SPAG9: variants seen among roughly 807,000 people sequenced by gnomAD.
The protein encoded by SPAG9 is sperm associated antigen 9, also known as C-Jun-amino-terminal kinase-interacting protein 4.
SPAG9 carries 35 observed loss-of-function variants against 166.5 expected under a neutral mutation model. That is an observed-to-expected ratio of 0.21 (90% CI 0.16 to 0.28). The LOEUF (loss-of-function observed/expected upper bound fraction) is 0.28, where lower values mean the gene tolerates loss of function less well. SPAG9 is among the 10% of genes least tolerant of loss of function. SPAG9 has a pLI of 1.00. For synonymous variants in SPAG9, 534 were observed against 565.5 expected (o/e 0.94, Z 0.79); for missense variants, 1,235 against 1,603.3 (o/e 0.77, Z 3.92).
At chr17:51,072,279 C>T (rs1384473201) in intron 2 of SPAG9, among the ~76,000 whole-genome samples, 1 of 150,346 alleles carries the variant, frequency 6.7e-6, no homozygotes, top group African/African-American at 2.4e-5. Context: ...ACCCTTTTGG[C>T]CAGGCTGGTC....
intron 24 of SPAG9, among the ~76,000 whole-genome samples, chr17:50,983,751 C>T (rs1014185188): frequency 6.6e-6 from 1 of 151,996 alleles, no homozygotes; most frequent in Non-Finnish European, 1.5e-5. Flanking sequence ...GAAAAAGTTA[C>T]CAAAATGCTC....
intron 1 of SPAG9, among the ~76,000 whole-genome samples, chr17:51,083,706 C>T (rs1322948076): frequency 2.0e-5 from 3 of 151,976 alleles, no homozygotes; most frequent in Admixed American, 2.0e-4. Flanking sequence ...CATGTGTGAG[C>T]CACCATGTTT....
Position 50,996,654 on chromosome 17 carries a change from C to G in SPAG9, c.1879G>C (p.Glu627Gln), listed in dbSNP as rs2044695291. ...TGTGCTTTTACCTGACGATACTGCT[C>G]TCTCTTTTGTTCTCTGCGTGAGGCT... is the stretch of plus-strand genomic sequence containing the variant. ...SLASRREQKR[E>Q]QYRQVKAHVQ... Residue 627 changes from glutamate to glutamine, a missense_variant, in exon 16 of 30, where the codon GAG (glutamate) becomes CAG (glutamine). Physicochemically the swap from Glu to Gln is conservative, Grantham distance 29. Transcript: ENST00000262013. The G allele has an allele frequency of 1.2e-6, 2 of 1,614,024 alleles. No homozygotes were observed.
intron 4 of SPAG9, among the ~76,000 whole-genome samples, chr17:51,042,959 C>T (rs956745104): frequency 3.3e-5 from 5 of 152,110 alleles, no homozygotes; most frequent in African/African-American, 9.7e-5. Flanking sequence ...GGGACGATCT[C>T]GGCTCACTGC....
At position 50,996,703 on chromosome 17, in the gene SPAG9, A is replaced by T; in HGVS notation, c.1839-9T>A. 1 of 1,613,556 alleles carries T rather than the reference A, an allele frequency of 6.2e-7. No homozygotes were observed. The highest frequency in any genetic ancestry group is 1.1e-5 in the South Asian group (1 of 90,972). On this transcript the variant is annotated splice_polypyrimidine_tract_variant and intron_variant, in intron 15 of 29. Transcript: ENST00000262013. ...CTAAACTAGCTTCAGTTCTAAAAGG[A>T]AAAAAGATTTTCCTAATTACATGAA...
At chr17:50,986,689 CCTAT>C (rs1975074215) in intron 22 of SPAG9, among the ~76,000 whole-genome samples, 1 of 152,130 alleles carries the variant, frequency 6.6e-6, no homozygotes, top group Non-Finnish European at 1.5e-5. Context: ...ATTTGTTTTA[CCTAT>C]CTTAGTAAAA....
intron 1 of SPAG9, among the ~76,000 whole-genome samples, chr17:51,098,503 T>C (rs72826440): frequency 0.07 from 10,714 of 152,094 alleles, 399 homozygotes; most frequent in Non-Finnish European, 0.089. Flanking sequence ...TATTTATTTA[T>C]TTATTTGAGA....
At chr17:50,981,546 A>AATAG (rs1002050756) in intron 25 of SPAG9, among the ~76,000 whole-genome samples, 1 of 151,918 alleles carries the variant, frequency 6.6e-6, no homozygotes, top group Non-Finnish European at 1.5e-5. Context: ...AGAAAGAAAG[A>AATAG]ATAGATAGAT....
chr17:51,118,526 T>C (rs796109115), intron 1 of SPAG9, among the ~76,000 whole-genome samples: 5 of 152,300 alleles, frequency 3.3e-5, no homozygotes, highest in African/African-American at 1.2e-4. Context: ...AGGTAAAAGG[T>C]CATGTCAGGC....
chr17:51,076,982 T>TTATCTAGCTAGCTAGCTATC (rs2047988405), intron 2 of SPAG9, among the ~76,000 whole-genome samples: 24 of 99,412 alleles, frequency 2.4e-4, no homozygotes, highest in Non-Finnish European at 4.8e-4. Context: ...TCTATCTATC[T>TTATCTAGCTAGCTAGCTATC]TATCTAGCTA....
chr17:50,969,331 C>T (rs547561020), intron 29 of SPAG9, among the ~76,000 whole-genome samples: 5 of 152,246 alleles, frequency 3.3e-5, no homozygotes, highest in South Asian at 4.2e-4. Context: ...CTCCTCTTTC[C>T]GTCCCTCCAG....
chr17:51,022,060 T>C (rs1262629165), intron 6 of SPAG9, among the ~76,000 whole-genome samples: 1 of 148,732 alleles, frequency 6.7e-6, no homozygotes, highest in Non-Finnish European at 1.5e-5. Flanking sequence ...GAGGCGGAGG[T>C]TGCAGTGAGC....
rs561849445 is a variant in SPAG9 at position 50,972,899 on chromosome 17, G to A, written c.3700+1872C>T. ...TTAATCTTTAGGGCCAACTGGCCTC[G>A]CAACAACCATGTTGCTAATTCCACT... On this transcript the variant is annotated intron_variant, in intron 28 of 29. Transcript: ENST00000262013. Among the ~76,000 whole-genome samples the A allele has an allele frequency of 1.2e-4, 18 of 152,306 alleles. No homozygotes were observed. In the South Asian group the frequency reaches 3.5e-3, roughly 30 times the overall value.
chr17:51,106,927 C>T (rs2048967198), intron 1 of SPAG9, among the ~76,000 whole-genome samples: 1 of 151,862 alleles, frequency 6.6e-6, no homozygotes, highest in South Asian at 2.1e-4. Context: ...TATGGTGAAA[C>T]CCCGTCTCTA....
At chr17:50,972,060 C>T (rs1973864466) in intron 28 of SPAG9, among the ~76,000 whole-genome samples, 1 of 152,180 alleles carries the variant, frequency 6.6e-6, no homozygotes, top group South Asian at 2.1e-4. Flanking sequence ...AGACACTGTG[C>T]CTGGTCTCTT....
At chr17:51,026,320 GAAAAAAA>G (rs55851511) in intron 6 of SPAG9, among the ~76,000 whole-genome samples, 41 of 89,434 alleles carry the variant, frequency 4.6e-4, no homozygotes, top group East Asian at 4.3e-3. Flanking sequence ...GGTGAAAAGA[GAAAAAAA>G]AAAAAAAAAA....
At position 51,041,568 on chromosome 17, in the gene SPAG9, T is replaced by C. The variant is rs957707109; in HGVS notation, c.674A>G (p.Glu225Gly). Residue 225 changes from glutamate to glycine, a missense_variant, in exon 5 of 30, where the codon GAG becomes GGG. By Grantham distance (98) the Glu-to-Gly change is moderately conservative (BLOSUM62 -2). Coordinates refer to ENST00000262013, the MANE Select transcript of SPAG9 (RefSeq NM_001130528.3). ...LLTPDAQKGG[E>G]TPGSEQWKFQ... ...TTTCCATTGCTCAGATCCAGGGGTC[T>C]CTCCTCCTTTCTGAGCATCAGGTGT... 4 of 1,613,740 alleles carry C rather than the reference T, an allele frequency of 2.5e-6. No homozygotes were observed. Among genetic ancestry groups the C allele is most frequent in the Non-Finnish European group, 3.4e-6 (4 of 1,179,800 alleles).
intron 5 of SPAG9, among the ~76,000 whole-genome samples, chr17:51,036,842 G>T (rs577526919): frequency 1.3e-5 from 2 of 152,254 alleles, no homozygotes; most frequent in South Asian, 4.1e-4. Flanking sequence ...GGTGGCTTTA[G>T]AACTAAATTG....
chr17:51,055,130 C>T (rs1016959916), intron 3 of SPAG9, among the ~76,000 whole-genome samples: 3 of 152,022 alleles, frequency 2.0e-5, no homozygotes, highest in African/African-American at 7.2e-5. Flanking sequence ...GGTGGATTGC[C>T]TGAGGTGAGG....
Sources: gnomAD v4.1 joint callset for allele counts (sites outside exome capture counted in the v4.1 genomes callset) on GRCh38, gnomAD v4.1.1 for gene constraint, MANE v1.5 for transcripts, NCBI Gene and HGNC (gene_info 2026-07-23, HGNC 2026-07-21) for gene names.